Variants in WDR7 observed in about 807,000 individuals in gnomAD.
WDR7 encodes WD repeat-containing protein 7.
WDR7 carries 46 observed loss-of-function variants against 169.4 expected under a neutral mutation model. That is an observed-to-expected ratio of 0.27 (90% CI 0.21 to 0.35). WDR7 has a LOEUF of 0.35. Ranked by LOEUF, WDR7 falls within the 10% of genes least tolerant of loss-of-function variation. The pLI, the probability that WDR7 is intolerant of heterozygous loss-of-function variation, is 1.00. For synonymous variants in WDR7, 612 were observed against 666.8 expected, an observed-to-expected ratio of 0.92 and a Z score of 1.27; for missense variants, 1,534 against 1,859.3, an observed-to-expected ratio of 0.83 and a Z score of 3.22.
At chr18:56,677,234 G>T (rs2025263543) in intron 2 of WDR7, among the ~76,000 whole-genome samples, 1 of 152,082 alleles carries the variant, frequency 6.6e-6, no homozygotes, top group African/African-American at 2.4e-5. Flanking sequence ...AGGCTTCAGG[G>T]ATATTTTTGC....
At chr18:56,679,273 C>G in intron 2 of WDR7, 59 bp from the exon 3 acceptor site, 1 of 1,419,100 alleles carries the variant, frequency 7.0e-7, no homozygotes, top group South Asian at 1.2e-5. Context: ...AGCTGACACT[C>G]AAATAGAAGG....
chr18:56,909,148 A>T (rs572096835), intron 21 of WDR7, among the ~76,000 whole-genome samples: 1 of 152,254 alleles, frequency 6.6e-6, no homozygotes, highest in South Asian at 2.1e-4. Context: ...GTTACCCAAG[A>T]TCAAACAGTT....
chr18:56,657,004 T>G (rs978007996), intron 1 of WDR7, among the ~76,000 whole-genome samples: 8 of 152,190 alleles, frequency 5.3e-5, no homozygotes, highest in Admixed American at 1.3e-4. Flanking sequence ...TAATCTACCT[T>G]TGTCTTTTTG....
intron 16 of WDR7, among the ~76,000 whole-genome samples, chr18:56,765,080 GTT>G (rs2144987307): frequency 6.6e-6 from 1 of 152,170 alleles, no homozygotes; most frequent in African/African-American, 2.4e-5. Flanking sequence ...TTTGGCTACT[GTT>G]AACATAGTAT....
intron 12 of WDR7, among the ~76,000 whole-genome samples, chr18:56,711,376 AT>A (rs2026082901): frequency 6.6e-6 from 1 of 152,102 alleles, no homozygotes; most frequent in African/African-American, 2.4e-5. Context: ...AGGATAAAAA[AT>A]ATCTGCTCCT....
intron 7 of WDR7, among the ~76,000 whole-genome samples, chr18:56,689,903 G>A (rs2025527952): frequency 6.6e-6 from 1 of 151,928 alleles, no homozygotes; most frequent in Admixed American, 6.6e-5. Flanking sequence ...TAATTGTAGT[G>A]CTGATGTTAT....
intron 7 of WDR7, among the ~76,000 whole-genome samples, chr18:56,689,320 G>A (rs946669208): frequency 1.3e-5 from 2 of 152,166 alleles, no homozygotes; most frequent in African/African-American, 2.4e-5. Flanking sequence ...GAGTGCAATG[G>A]TGCAATCTCG....
chr18:56,756,847 G>C lies in WDR7; in HGVS notation c.2254G>C (p.Glu752Gln). The C allele has an allele frequency of 6.2e-7, 1 of 1,614,050 alleles. No individual in the cohort carries two copies. The highest frequency in any genetic ancestry group is 8.5e-7 in the Non-Finnish European group (1 of 1,180,010). The change falls in exon 15 of 28, where the codon GAG (glutamate) becomes CAG (glutamine). Residue 752 changes from glutamate to glutamine, a missense_variant. Physicochemically the swap from Glu to Gln is conservative, Grantham distance 29. Coordinates refer to ENST00000254442, the MANE Select transcript of WDR7 (RefSeq NM_015285.3). ...LFQQVKETIK[E>Q]NIKEHLLDDE... is the part of the protein sequence containing the mutation. ...CCAACAAGTGAAAGAAACGATCAAA[G>C]AGAACATCAAGGAACACCTCCTTGA...
chr18:56,774,396 G>A (rs1056977414), intron 16 of WDR7, among the ~76,000 whole-genome samples: 1 of 152,092 alleles, frequency 6.6e-6, no homozygotes, highest in Non-Finnish European at 1.5e-5. Context: ...TCTTATGAGA[G>A]TAAGCAGTTG....
At chr18:56,762,709 C>G (rs2043997020) in intron 16 of WDR7, among the ~76,000 whole-genome samples, 2 of 151,976 alleles carry the variant, frequency 1.3e-5, no homozygotes, top group African/African-American at 4.8e-5. Context: ...CTCAATTTGA[C>G]TTTATCCTTT....
chr18:56,736,464 A>G (rs1218397970), intron 14 of WDR7, among the ~76,000 whole-genome samples: 5 of 151,748 alleles, frequency 3.3e-5, no homozygotes, highest in South Asian at 4.2e-4. Context: ...GAGACAGAGT[A>G]TGGAAATGGA....
intron 26 of WDR7, among the ~76,000 whole-genome samples, chr18:57,019,170 C>G (rs1031874027): frequency 6.6e-6 from 1 of 152,120 alleles, no homozygotes; most frequent in African/African-American, 2.4e-5. Context: ...GAATAGTGTA[C>G]TCAAGTGATT....
intron 19 of WDR7, among the ~76,000 whole-genome samples, chr18:56,812,407 G>A (rs2044885251): frequency 6.6e-6 from 1 of 152,080 alleles, no homozygotes; most frequent in Non-Finnish European, 1.5e-5. Flanking sequence ...TCTTTGAGTG[G>A]GGTGTATTAG....
chr18:56,814,389 A>G (rs2044928161), intron 19 of WDR7, among the ~76,000 whole-genome samples: 1 of 152,216 alleles, frequency 6.6e-6, no homozygotes, highest in Admixed American at 6.5e-5. Context: ...TATTGATTTA[A>G]TATGAAATAA....
intron 20 of WDR7, among the ~76,000 whole-genome samples, chr18:56,878,540 A>G (rs2046061163): frequency 1.3e-5 from 2 of 152,208 alleles, no homozygotes. Flanking sequence ...TACTCAATGA[A>G]CAATCTTTCT....
intron 20 of WDR7, among the ~76,000 whole-genome samples, chr18:56,842,735 G>A (rs2045505396): frequency 6.6e-6 from 1 of 152,084 alleles, no homozygotes; most frequent in African/African-American, 2.4e-5. Flanking sequence ...AATGCACATA[G>A]GAAACTACTA....
At chr18:56,651,706 C>G (rs1466055315) in intron 1 of WDR7, 130 bp downstream of exon 1, 1 of 152,470 alleles carries the variant, frequency 6.6e-6, no homozygotes, top group East Asian at 1.9e-4. Flanking sequence ...TGTCAGATCG[C>G]TGCGGCTGCA....
intron 9 of WDR7, among the ~76,000 whole-genome samples, chr18:56,693,099 G>A (rs1227124424): frequency 6.6e-6 from 1 of 152,104 alleles, no homozygotes; most frequent in Admixed American, 6.6e-5. Flanking sequence ...AAAGTCAAAC[G>A]ATTGGTTATG....
intron 26 of WDR7, among the ~76,000 whole-genome samples, chr18:57,013,108 G>T (rs1249626555): frequency 6.6e-6 from 1 of 152,158 alleles, no homozygotes; most frequent in Non-Finnish European, 1.5e-5. Context: ...GGATGGTTTT[G>T]TGATGAAACT....
Sources: gnomAD v4.1 joint callset for allele counts (sites outside exome capture counted in the v4.1 genomes callset) on GRCh38, gnomAD v4.1.1 for gene constraint, MANE v1.5 for transcripts, NCBI Gene and HGNC (gene_info 2026-07-23, HGNC 2026-07-21) for gene names.